Variants in TLK1 observed in about 807,000 individuals in gnomAD.
TLK1 encodes the protein tousled like kinase 1, also known as serine/threonine-protein kinase tousled-like 1.
TLK1 carries 24 observed loss-of-function variants against 105.3 expected under a neutral mutation model. The observed-to-expected ratio is 0.23, with a 90% CI of 0.17 to 0.32. The LOEUF (loss-of-function observed/expected upper bound fraction) is 0.32. Ranked by LOEUF, TLK1 falls within the 10% of genes least tolerant of loss-of-function variation. TLK1 has a pLI of 1.00. For missense variants in TLK1, 558 were observed against 910.5 expected, an observed-to-expected ratio of 0.61 and a Z score of 4.98; for synonymous variants, 321 against 310.4, an observed-to-expected ratio of 1.03 and a Z score of -0.36.
At chr2:171,221,584 C>T (rs535303732) in intron 1 of TLK1, among the ~76,000 whole-genome samples, 1 of 152,206 alleles carries the variant, frequency 6.6e-6, no homozygotes, top group Non-Finnish European at 1.5e-5. Context: ...CCTTCCTCTT[C>T]GTGGCTGATG....
At chr2:171,219,275 A>T (rs1261990320) in intron 1 of TLK1, among the ~76,000 whole-genome samples, 2 of 152,106 alleles carry the variant, frequency 1.3e-5, no homozygotes, top group Non-Finnish European at 2.9e-5. Flanking sequence ...CTTTCAAATT[A>T]TGGAGGCTGC....
At chr2:171,140,039 G>T (rs180955556) in intron 1 of TLK1, among the ~76,000 whole-genome samples, 1 of 152,156 alleles carries the variant, frequency 6.6e-6, no homozygotes, top group African/African-American at 2.4e-5. Flanking sequence ...CTCACCTCCC[G>T]CTGTGTGGCT....
chr2:171,082,314 A>AT (rs2105476975), intron 3 of TLK1, among the ~76,000 whole-genome samples: 1 of 152,248 alleles, frequency 6.6e-6, no homozygotes, highest in East Asian at 1.9e-4. Flanking sequence ...AATTCTTCAG[A>AT]TTTTTTAAAA....
intron 1 of TLK1, among the ~76,000 whole-genome samples, chr2:171,190,465 G>A (rs1693124735): frequency 6.6e-6 from 1 of 152,138 alleles, no homozygotes; most frequent in African/African-American, 2.4e-5. Context: ...AATCTGAAAT[G>A]CTCTCAAATC....
chr2:171,099,569 C>G (rs1402610436), intron 2 of TLK1, among the ~76,000 whole-genome samples: 1 of 152,020 alleles, frequency 6.6e-6, no homozygotes, highest in African/African-American at 2.4e-5. Context: ...GAAAAAAGAA[C>G]AGAGTTGGAG....
chr2:171,006,092 A>C (rs922128171), intron 18 of TLK1, 55 bp downstream of exon 18: 5 of 1,438,200 alleles, frequency 3.5e-6, no homozygotes, highest in Non-Finnish European at 4.6e-6. Flanking sequence ...CTAAATTATT[A>C]TAAAAGCACT....
intron 20 of TLK1, among the ~76,000 whole-genome samples, chr2:170,995,856 C>T (rs968392759): frequency 6.6e-6 from 1 of 152,162 alleles, no homozygotes; most frequent in Non-Finnish European, 1.5e-5. Flanking sequence ...GCACGGGCCC[C>T]TACACCGGGC....
intron 2 of TLK1, among the ~76,000 whole-genome samples, chr2:171,094,368 C>G (rs1689367069): frequency 6.6e-6 from 1 of 151,768 alleles, no homozygotes; most frequent in African/African-American, 2.4e-5. Context: ...ATGAAAATAA[C>G]TCGTTTTCAG....
intron 1 of TLK1, among the ~76,000 whole-genome samples, chr2:171,194,794 G>C (rs901106977): frequency 6.7e-6 from 1 of 148,156 alleles, no homozygotes; most frequent in South Asian, 2.1e-4. Context: ...TCCAGCCTGG[G>C]CGACAGAGCG....
At chr2:171,226,360 G>C (rs1299571488) in intron 1 of TLK1, among the ~76,000 whole-genome samples, 1 of 152,034 alleles carries the variant, frequency 6.6e-6, no homozygotes, top group African/African-American at 2.4e-5. Context: ...AGACCTATTA[G>C]AAATTTCAAA....
chr2:171,203,831 C>T (rs1693447481), intron 1 of TLK1, among the ~76,000 whole-genome samples: 1 of 152,076 alleles, frequency 6.6e-6, no homozygotes, highest in African/African-American at 2.4e-5. Context: ...TGGTGGATCA[C>T]CTGAGGTCAG....
intron 3 of TLK1, among the ~76,000 whole-genome samples, chr2:171,075,036 G>A (rs1177475080): frequency 1.3e-5 from 2 of 150,402 alleles, no homozygotes; most frequent in African/African-American, 4.9e-5. Flanking sequence ...AAAAAAAAAA[G>A]ATTTCTCCAG....
intron 1 of TLK1, among the ~76,000 whole-genome samples, chr2:171,157,358 C>T (rs955787219): frequency 3.9e-5 from 6 of 152,110 alleles, no homozygotes. Flanking sequence ...ACCTTTTTAA[C>T]TCGTCACTCC....
chr2:171,198,630 T>C (rs151219658), intron 1 of TLK1, among the ~76,000 whole-genome samples: 13 of 152,160 alleles, frequency 8.5e-5, no homozygotes, highest in Non-Finnish European at 2.9e-5. Context: ...TTGGCAGTGA[T>C]GAGAGTGGGA....
intron 1 of TLK1, among the ~76,000 whole-genome samples, chr2:171,210,476 C>T (rs138878912): frequency 5.3e-5 from 8 of 152,078 alleles, no homozygotes; most frequent in Admixed American, 3.3e-4. Flanking sequence ...CCACCAAGAC[C>T]ACATCTAGGC....
At chr2:171,076,526 A>C (rs1688516803) in intron 3 of TLK1, among the ~76,000 whole-genome samples, 1 of 152,102 alleles carries the variant, frequency 6.6e-6, no homozygotes. Context: ...ATGAACTGAG[A>C]CACAAGATCA....
chr2:171,063,424 T>G (rs1687849275), intron 3 of TLK1, among the ~76,000 whole-genome samples: 1 of 152,142 alleles, frequency 6.6e-6, no homozygotes, highest in Non-Finnish European at 1.5e-5. Context: ...CCTAACTTAA[T>G]TTATATATAA....
At chr2:171,086,643 A>AAC (rs1688990679) in intron 2 of TLK1, among the ~76,000 whole-genome samples, 3 of 151,802 alleles carry the variant, frequency 2.0e-5, no homozygotes, top group African/African-American at 7.3e-5. Context: ...ACAAACAAAA[A>AAC]AAAAAAACAG....
intron 2 of TLK1, among the ~76,000 whole-genome samples, chr2:171,111,775 G>A (rs1192732868): frequency 6.6e-6 from 1 of 152,128 alleles, no homozygotes; most frequent in African/African-American, 2.4e-5. Context: ...AGATATGGTA[G>A]GGTAATGAAA....
Sources: allele counts gnomAD v4.1 joint callset (sites outside exome capture counted in the v4.1 genomes callset), GRCh38; gene constraint gnomAD v4.1.1; transcripts MANE v1.5; gene names NCBI Gene and HGNC (gene_info 2026-07-23, HGNC 2026-07-21).